The following CATSPERE variants were observed in gnomAD, a reference collection of about 807,000 sequenced individuals.
CATSPERE encodes the protein catsper channel auxiliary subunit epsilon.
A neutral mutation model predicts 114.1 loss-of-function variants in CATSPERE; 93 were observed. The observed-to-expected ratio is 0.81, with a 90% CI of 0.69 to 0.97. The LOEUF is 0.97. Among genes scored for constraint, CATSPERE ranks in the 50% least tolerant of loss-of-function variants. CATSPERE has a pLI of 0.00. For synonymous variants in CATSPERE, 341 were observed against 384.1 expected, an observed-to-expected ratio of 0.89 and a Z score of 1.31; for missense variants, 1,058 against 1,131.6, an observed-to-expected ratio of 0.93 and a Z score of 0.93.
intron 5 of CATSPERE, among the ~76,000 whole-genome samples, chr1:244,489,960 A>AT (rs1174890812): frequency 6.6e-6 from 1 of 152,220 alleles, no homozygotes; most frequent in African/African-American, 2.4e-5. Flanking sequence ...CTGAGTATTA[A>AT]GAAACCTCAA....
At chr1:244,629,692 T>A (rs1443382484) in intron 20 of CATSPERE, among the ~76,000 whole-genome samples, 1 of 151,250 alleles carries the variant, frequency 6.6e-6, no homozygotes, top group Non-Finnish European at 1.5e-5. Flanking sequence ...CAGGCTGGAG[T>A]ACAATGGCAT....
At chr1:244,551,676 A>AGTT (rs1352438901) in intron 8 of CATSPERE, among the ~76,000 whole-genome samples, 1 of 152,174 alleles carries the variant, frequency 6.6e-6, no homozygotes, top group Non-Finnish European at 1.5e-5. Context: ...ACTGCCTAGG[A>AGTT]GTTAGCCCTG....
At chr1:244,548,779 C>T (rs1291019551) in intron 8 of CATSPERE, among the ~76,000 whole-genome samples, 3 of 152,156 alleles carry the variant, frequency 2.0e-5, no homozygotes, top group Non-Finnish European at 4.4e-5. Context: ...GCAAGGTTCC[C>T]CAGAAGGCTG....
rs1247229099 is a variant in CATSPERE, at chr1:244,575,904, C to G, written c.1950+3132C>G. On this transcript the variant is annotated intron_variant, in intron 11 of 21. Coordinates refer to ENST00000366534, the MANE Select transcript of CATSPERE (RefSeq NM_001130957.2). The surrounding 1 kb of genome is among the most constrained non-coding windows in gnomAD (Gnocchi z 4.5). ...TGGGGATTTTTCACCTCTTTTTAAC[C>G]TCTAAGACACCCTAAGAAATACTTC... Among the ~76,000 whole-genome samples the G allele has an allele frequency of 2.6e-5, 4 of 151,996 alleles. No individual in the cohort carries two copies. Among genetic ancestry groups the G allele is most frequent in the African/African-American group, 9.7e-5 (4 of 41,374 alleles).
intron 18 of CATSPERE, among the ~76,000 whole-genome samples, chr1:244,606,129 G>A (rs1241438135): frequency 6.6e-6 from 1 of 152,176 alleles, no homozygotes; most frequent in East Asian, 1.9e-4. Context: ...TGTGCACTAA[G>A]TCAAACGGAC....
intron 8 of CATSPERE, among the ~76,000 whole-genome samples, chr1:244,539,007 C>G (rs1165095944): frequency 6.6e-6 from 1 of 152,170 alleles, no homozygotes; most frequent in East Asian, 1.9e-4. Context: ...ACGTCGCTAG[C>G]CAGCTTCCCC....
Position 244,584,037 on chromosome 1 carries a change from G to GCAATACCTCCATA in CATSPERE, c.2085+112_2085+124dup, listed in dbSNP as rs577788644. 206 of 846,974 alleles carry GCAATACCTCCATA rather than the reference G, an allele frequency of 2.4e-4. 1 individual carries two copies. The highest frequency in any genetic ancestry group is 2.2e-3 in the African/African-American group (128 of 59,348). 52.5% of individuals were successfully genotyped at this position (846,974 alleles called of 1,614,324 possible). On this transcript the variant is annotated intron_variant, in intron 13 of 21. Coordinates refer to ENST00000366534, the MANE Select transcript of CATSPERE (RefSeq NM_001130957.2). ...CAATACCTCCGTACAATACCTCCAT[G>GCAATACCTCCATA]CAATACCTCCATACAATACCTCCAT...
intron 6 of CATSPERE, among the ~76,000 whole-genome samples, chr1:244,494,216 CA>C (rs1396782834): frequency 2.6e-5 from 4 of 151,732 alleles, no homozygotes; most frequent in Non-Finnish European, 5.9e-5. Context: ...TGTCCAACAA[CA>C]ATAGACTGGA....
intron 7 of CATSPERE, among the ~76,000 whole-genome samples, chr1:244,511,391 A>C (rs1311135870): frequency 6.6e-6 from 1 of 151,878 alleles, no homozygotes; most frequent in Non-Finnish European, 1.5e-5. Context: ...ATATAGTTGG[A>C]TTGTGTTTTT....
chr1:244,468,735 A>G (rs1240414785), intron 2 of CATSPERE, among the ~76,000 whole-genome samples: 2 of 152,172 alleles, frequency 1.3e-5, no homozygotes, highest in South Asian at 2.1e-4. Flanking sequence ...CCTGGGCAAC[A>G]TGGCCAGACC....
intron 10 of CATSPERE, among the ~76,000 whole-genome samples, chr1:244,561,484 C>G (rs1662556341): frequency 6.6e-6 from 1 of 152,068 alleles, no homozygotes; most frequent in Admixed American, 6.5e-5. Flanking sequence ...CAAAGTACCA[C>G]AAACTGGATG....
At chr1:244,553,576 G>A (rs1414874106) in intron 9 of CATSPERE, among the ~76,000 whole-genome samples, 3 of 81,968 alleles carry the variant, frequency 3.7e-5, no homozygotes, top group South Asian at 4.1e-4. Context: ...GCGAGACCCC[G>A]TCTCAAAAAA....
chr1:244,479,740 T>C lies in CATSPERE; in HGVS notation c.282T>C (p.Phe94=). The change falls in exon 5 of 22, where the codon TTT becomes TTC. Residue 94 remains phenylalanine (F), a synonymous_variant. Transcript: ENST00000366534. ...TGPDEEERYL[F]VESSHTCFLW... ...AGGATGAAGAAGAACGCTATTTATT[T>C]GTGGAAAGTTCTCATACTTGCTTTC... The C allele has an allele frequency of 6.2e-7, 1 of 1,601,176 alleles. No homozygotes were observed.
chr1:244,586,433 G>T (rs1192894066), intron 13 of CATSPERE, among the ~76,000 whole-genome samples: 1 of 152,140 alleles, frequency 6.6e-6, no homozygotes, highest in Admixed American at 6.5e-5. Flanking sequence ...AAGATAAAGG[G>T]CAGGCCAATG....
chr1:244,494,145 A>G (rs971847225), intron 6 of CATSPERE, among the ~76,000 whole-genome samples: 2 of 152,126 alleles, frequency 1.3e-5, no homozygotes, highest in Non-Finnish European at 2.9e-5. Context: ...ATAAAGACAC[A>G]TGCACACGTA....
intron 8 of CATSPERE, among the ~76,000 whole-genome samples, chr1:244,550,754 C>T (rs1035453544): frequency 1.3e-5 from 2 of 152,172 alleles, no homozygotes; most frequent in Admixed American, 6.5e-5. Context: ...TCCGCTTCAC[C>T]TGGGTCCTGC....
chr1:244,475,355 T>C (rs1467533866), intron 2 of CATSPERE, among the ~76,000 whole-genome samples: 1 of 151,718 alleles, frequency 6.6e-6, no homozygotes, highest in Non-Finnish European at 1.5e-5. Flanking sequence ...TGCCTCAGCC[T>C]CCTGAGTAGC....
intron 1 of CATSPERE, among the ~76,000 whole-genome samples, chr1:244,455,655 T>C (rs1252022802): frequency 6.6e-6 from 1 of 152,182 alleles, no homozygotes. Context: ...GAAAAAGGTC[T>C]TTTTTTCCTT....
chr1:244,489,945 T>C (rs143406749), intron 5 of CATSPERE, among the ~76,000 whole-genome samples: 1 of 152,074 alleles, frequency 6.6e-6, no homozygotes, highest in East Asian at 1.9e-4. Context: ...AGAAATAGAT[T>C]AGCACTGAGT....
Sources: gnomAD v4.1 joint callset for allele counts (sites outside exome capture counted in the v4.1 genomes callset) on GRCh38, gnomAD v4.1.1 for gene constraint, Gnocchi (gnomAD v3.1) non-coding constraint, MANE v1.5 for transcripts, NCBI Gene and HGNC (gene_info 2026-07-23, HGNC 2026-07-21) for gene names.